Variants in CALCA observed in about 807,000 individuals in gnomAD.
CALCA encodes calcitonin related polypeptide alpha.
Under a neutral mutation model 6.9 loss-of-function variants are expected in CALCA, and 4 were observed. The ratio of observed to expected loss-of-function variants is 0.58; its 90% CI spans 0.29 to 1.33. CALCA has a LOEUF of 1.33. Ranked by LOEUF, CALCA falls within the 40% of genes most tolerant of loss-of-function variation. The pLI is 0.09. For synonymous variants in CALCA, 78 were observed against 70.0 expected (o/e 1.11, Z -0.57); for missense variants, 174 against 178.3 (o/e 0.98, Z 0.14).
At position 14,968,901 on chromosome 11, in the gene CALCA, T is replaced by A; in HGVS notation, c.324A>T (p.Gln108His). 6.2e-7 allele frequency: 1 copy of A among 1,614,092 alleles called. No homozygotes were observed. Among genetic ancestry groups the A allele is most frequent in the Admixed American group, 1.7e-5 (1 of 60,014 alleles). Residue 108 changes from glutamine (Q) to histidine (H), a missense_variant, in exon 4 of 4, where the codon CAA becomes CAT. Physicochemically the swap from Gln to His is conservative, Grantham distance 24. Coordinates refer to ENST00000331587, the MANE Select transcript of CALCA (RefSeq NM_001741.3). ...QDFNKFHTFP[Q>H]TAIGVGAPGK... Reference sequence around the variant, plus strand: ...CAGGTGCTCCAACCCCAATTGCAGTTTGGGGGAACGTGTGAAACTTGTTGA... The same window carrying A: ...CAGGTGCTCCAACCCCAATTGCAGTATGGGGGAACGTGTGAAACTTGTTGA...
Position 14,968,661 on chromosome 11 carries a change from A to C in CALCA, c.*138T>G. On this transcript the variant is annotated 3_prime_UTR_variant, in exon 4 of 4. Coordinates refer to ENST00000331587, the MANE Select transcript of CALCA (RefSeq NM_001741.3). ...TGTGAGTCCTGCTCTCTTTCCTCCC[A>C]TCTGAAGTTTGAGACATCCTCTGCC... The C allele has an allele frequency of 6.2e-7, 1 of 1,604,614 alleles. No individual in the cohort carries two copies. The highest frequency in any genetic ancestry group is 8.5e-7 in the Non-Finnish European group (1 of 1,176,106).
intron 2 of CALCA, 51 bp from the exon 3 acceptor site, chr11:14,970,126 T>TC: frequency 1.2e-6 from 2 of 1,607,208 alleles, no homozygotes; most frequent in Non-Finnish European, 1.7e-6. Context: ...TGCCTGCCCC[T>TC]CCCCAGGATA....
At chr11:14,971,058 G>T in intron 2 of CALCA, 49 bp downstream of exon 2, 1 of 1,400,150 alleles carries the variant, frequency 7.1e-7, no homozygotes, top group Non-Finnish European at 1.0e-6. Context: ...CACTTAAGAG[G>T]CATGGAATTG....
rs1469055392 is a variant in CALCA, at chr11:14,969,930, C to T, written c.227+5G>A. ...GCCCTGTGCTGAGCGCTTGGGGAGCCTCACCTGGAGCCCTCTCTCTCTTGC... is the reference window on the plus strand; with the variant it reads ...GCCCTGTGCTGAGCGCTTGGGGAGCTTCACCTGGAGCCCTCTCTCTCTTGC... On this transcript the variant is annotated splice_donor_5th_base_variant and intron_variant, in intron 3 of 3. Coordinates refer to ENST00000331587, the MANE Select transcript of CALCA (RefSeq NM_001741.3). 1.2e-6 allele frequency: 2 copies of T among 1,612,542 alleles called. No homozygotes were observed. The highest frequency in any genetic ancestry group is 2.2e-5 in the East Asian group (1 of 44,896).
At chr11:14,967,935 G>A (rs375800425), downstream of CALCA, 4 of 1,539,174 alleles carry the variant, frequency 2.6e-6, no homozygotes, top group East Asian at 2.2e-5. Flanking sequence ...GACCTTCATG[G>A]TAAAGTTGCT....
downstream of CALCA, chr11:14,967,167 C>T (rs5243): frequency 0.056 from 8,822 of 158,764 alleles, 662 homozygotes; most frequent in African/African-American, 0.18. Context: ...ACATCTATTA[C>T]CTCACTTGCT....
intron 1 of CALCA, among the ~76,000 whole-genome samples, chr11:14,971,791 T>G (rs1849612387): frequency 6.6e-6 from 1 of 152,254 alleles, no homozygotes; most frequent in Non-Finnish European, 1.5e-5. Flanking sequence ...TCCCAGAGCC[T>G]GTGACTGGGG....
intron 2 of CALCA, 65 bp downstream of exon 2, chr11:14,971,042 A>G: frequency 7.3e-7 from 1 of 1,370,660 alleles, no homozygotes; most frequent in Non-Finnish European, 1.0e-6. Flanking sequence ...AGCATTCAGT[A>G]CACCACACTT....
downstream of CALCA, chr11:14,968,142 A>G (rs1849500264): frequency 4.1e-6 from 2 of 487,458 alleles, no homozygotes; most frequent in Non-Finnish European, 7.5e-6. Context: ...TGTATAAATT[A>G]ACTAAAAATC....
intron 2 of CALCA, 94 bp downstream of exon 2, chr11:14,971,013 G>A (rs1187858299): frequency 7.1e-6 from 7 of 980,850 alleles, no homozygotes; most frequent in East Asian, 2.4e-5. Context: ...ACCTTACCCC[G>A]GCCCCCTGTC....
At chr11:14,969,307 C>A (rs1849533740) in intron 3 of CALCA, among the ~76,000 whole-genome samples, 1 of 152,130 alleles carries the variant, frequency 6.6e-6, no homozygotes, top group African/African-American at 2.4e-5. Flanking sequence ...GTGCTGGGGC[C>A]AGGCCAGGGG....
chr11:14,971,050 C>T, intron 2 of CALCA, 57 bp downstream of exon 2: 2 of 1,445,538 alleles, frequency 1.4e-6, no homozygotes, highest in Non-Finnish European at 1.9e-6. Context: ...GTACACCACA[C>T]TTAAGAGGCA....
At position 14,971,201 on chromosome 11, in the gene CALCA, T is replaced by C. The variant is rs782450741; in HGVS notation, c.-9A>G. 2 of 1,610,810 alleles carry C rather than the reference T, an allele frequency of 1.2e-6. No homozygotes were observed. The highest frequency in any genetic ancestry group is 1.7e-6 in the Non-Finnish European group (2 of 1,177,018). ...AACTTTTGGAAGCCCATGACACCTC[T>C]CTGCAAGGGAAGAATGAGATAAACC... On this transcript the variant is annotated splice_region_variant and 5_prime_UTR_variant, in exon 2 of 4. Coordinates refer to ENST00000331587, the MANE Select transcript of CALCA (RefSeq NM_001741.3).
chr11:14,968,548 G>A lies in CALCA; in HGVS notation c.*251C>T. 1.4e-6 allele frequency: 2 copies of A among 1,391,690 alleles called. No homozygotes were observed. The highest frequency in any genetic ancestry group is 1.9e-6 in the Non-Finnish European group (2 of 1,073,198). The allele number at this position is 1,391,690 out of a possible 1,614,324, so 86.2% of individuals were successfully genotyped here. A position where few individuals can be genotyped will look rare whatever the true frequency, so the allele number is the denominator to read the frequency against. The stretch of plus-strand genomic sequence containing the variant: ...CCTCAAATGATCAGCACATTCAGAA[G>A]CAGGACAGAGGAGCTCTGATGACAT... On this transcript the variant is annotated 3_prime_UTR_variant, in exon 4 of 4. Coordinates refer to ENST00000331587, the MANE Select transcript of CALCA (RefSeq NM_001741.3).
chr11:14,970,555 AG>A (rs1255330756), intron 2 of CALCA, among the ~76,000 whole-genome samples: 1 of 152,214 alleles, frequency 6.6e-6, no homozygotes, highest in African/African-American at 2.4e-5. Context: ...CACATACAAA[AG>A]TTTGGCTAAA....
chr11:14,967,544 G>T (rs900088384), downstream of CALCA: 371 of 1,032,008 alleles, frequency 3.6e-4, 1 homozygote, highest in Middle Eastern at 3.1e-4. Flanking sequence ...CTGGAACTCA[G>T]ATACTGGTGT....
chr11:14,971,001 A>G (rs1175876440), intron 2 of CALCA, 106 bp downstream of exon 2: 2 of 866,046 alleles, frequency 2.3e-6, no homozygotes, highest in Non-Finnish European at 4.0e-6. Flanking sequence ...GCATGAGTAC[A>G]TACCTTACCC....
chr11:14,970,207 C>T, intron 2 of CALCA, 132 bp from the exon 3 acceptor site: 2 of 1,317,606 alleles, frequency 1.5e-6, no homozygotes, highest in Non-Finnish European at 2.1e-6. Flanking sequence ...GGGGACAGGG[C>T]ACAAGGCCAG....
In CALCA at chr11:14,971,234, C is replaced by T. The variant is rs782152813; in HGVS notation, c.-9-33G>A. The T allele has an allele frequency of 2.0e-6, 3 of 1,504,440 alleles. No individual in the cohort carries two copies. The East Asian group carries it at 6.8e-5, about 34-fold the overall frequency. 93.2% of individuals were successfully genotyped at this position (1,504,440 alleles called of 1,614,324 possible). On this transcript the variant is annotated intron_variant, in intron 1 of 3. Coordinates refer to ENST00000331587, the MANE Select transcript of CALCA (RefSeq NM_001741.3). ...GGAAGAATGAGATAAACCACCTGCG[C>T]CAGTTCGAAGTTCTAGGAGCCCACA...
Sources: allele counts gnomAD v4.1 joint callset (sites outside exome capture counted in the v4.1 genomes callset), GRCh38; gene constraint gnomAD v4.1.1; transcripts MANE v1.5; gene names NCBI Gene and HGNC (gene_info 2026-07-23, HGNC 2026-07-21).